The following KIRREL3 variants were observed in gnomAD, a reference collection of about 807,000 sequenced individuals.
KIRREL3 encodes kin of IRRE-like protein 3.
A neutral mutation model predicts 89.7 loss-of-function variants in KIRREL3; 36 were observed. The observed-to-expected ratio is 0.40, with a 90% CI of 0.31 to 0.53. KIRREL3 has a LOEUF of 0.53. Among genes scored for constraint, KIRREL3 ranks in the 20% least tolerant of loss-of-function variants. The pLI is 0.49. For missense variants in KIRREL3, 864 were observed against 1,056.6 expected, an observed-to-expected ratio of 0.82 and a Z score of 2.53; for synonymous variants, 445 against 441.4, an observed-to-expected ratio of 1.01 and a Z score of -0.10.
In KIRREL3 at chr11:126,587,989, T is replaced by G. The variant is rs75813379; in HGVS notation, c.56-25077A>C. On this transcript the variant is annotated intron_variant, in intron 1 of 16. Transcript: ENST00000525144. The surrounding 1 kb of genome is among the most constrained non-coding windows in gnomAD (Gnocchi z 5.2). ...GGAGAGGTGGACTGGAAGACTCAGATCTAGGGCTCGGGGGAAAGCATTGGG... is the reference window on the plus strand; with the variant it reads ...GGAGAGGTGGACTGGAAGACTCAGAGCTAGGGCTCGGGGGAAAGCATTGGG... Among the ~76,000 whole-genome samples the G allele has an allele frequency of 0.024, 3,614 of 152,178 alleles. 157 individuals carry two copies. The highest frequency in any genetic ancestry group is 0.083 in the African/African-American group (3,441 of 41,518).
intron 1 of KIRREL3, among the ~76,000 whole-genome samples, chr11:126,713,811 C>T (rs1241615931): frequency 5.9e-5 from 9 of 151,906 alleles, no homozygotes; most frequent in South Asian, 4.2e-4. Flanking sequence ...GGCTGACGGG[C>T]GAGGAGGAAA....
intron 1 of KIRREL3, chr11:126,992,512 A>T (rs1950063670): frequency 6.6e-6 from 1 of 152,280 alleles, no homozygotes. Context: ...TGAAGAGAAC[A>T]GGCCAAAGTG....
At chr11:126,680,599 TA>T (rs1005542944) in intron 1 of KIRREL3, among the ~76,000 whole-genome samples, 1 of 152,236 alleles carries the variant, frequency 6.6e-6, no homozygotes, top group African/African-American at 2.4e-5. Context: ...GACTGGGGTT[TA>T]AACATCCCAT....
chr11:126,612,902 G>A lies in KIRREL3; in HGVS notation c.56-49990C>T, dbSNP rs1309629081. On this transcript the variant is annotated intron_variant, in intron 1 of 16. Coordinates refer to ENST00000525144, the MANE Select transcript of KIRREL3 (RefSeq NM_032531.4). The surrounding 1 kb of genome is among the most constrained non-coding windows in gnomAD (Gnocchi z 4.5). ...TCATCATCTGCTAGACATTTGGGCT[G>A]TTTCCACTTTTCGGCTATTGTGAAT... is the stretch of plus-strand genomic sequence containing the variant. Among the ~76,000 whole-genome samples the A allele has an allele frequency of 2.0e-5, 3 of 152,164 alleles. No individual in the cohort carries two copies. Among genetic ancestry groups the A allele is most frequent in the Non-Finnish European group, 4.4e-5 (3 of 68,040 alleles).
In KIRREL3 at chr11:126,883,315, A is replaced by C. The variant is rs2134723823; in HGVS notation, c.55+117140T>G. Among the ~76,000 whole-genome samples, 1 of 152,272 alleles carries C rather than the reference A, an allele frequency of 6.6e-6. No homozygotes were observed. Among genetic ancestry groups the C allele is most frequent in the African/African-American group, 2.4e-5 (1 of 41,570 alleles). ...AGAAGTGGTAGGAGAGAGATCTTCA[A>C]GCAGCACAGCAGTTAAAGAACTTTA... On this transcript the variant is annotated intron_variant, in intron 1 of 16. Transcript: ENST00000525144. This position sits in a 1 kb window ranked among gnomAD's most constrained non-coding sequence, Gnocchi z 4.1.
chr11:126,591,713 T>C (rs967541411), intron 1 of KIRREL3, among the ~76,000 whole-genome samples: 1 of 152,230 alleles, frequency 6.6e-6, no homozygotes, highest in Non-Finnish European at 1.5e-5. Flanking sequence ...TAAATATTGC[T>C]ACAATTTCTT....
chr11:126,687,994 T>C lies in KIRREL3; in HGVS notation c.56-125082A>G, dbSNP rs1946730886. On this transcript the variant is annotated intron_variant, in intron 1 of 16. Transcript: ENST00000525144. This position sits in a 1 kb window ranked among gnomAD's most constrained non-coding sequence, Gnocchi z 4.6. ...GTGCCAGTTAAATTTGAGAGAGAAA[T>C]CATTTTATTTACGAAAATGTCAAGG... is the stretch of plus-strand genomic sequence containing the variant. Among the ~76,000 whole-genome samples the C allele has an allele frequency of 6.6e-6, 1 of 152,244 alleles. No homozygotes were observed. The highest frequency in any genetic ancestry group is 2.4e-5 in the African/African-American group (1 of 41,454).
rs968446953 is a variant in KIRREL3, at chr11:126,544,958, G to A, written c.133+17877C>T. Among the ~76,000 whole-genome samples the A allele has an allele frequency of 2.0e-5, 3 of 152,098 alleles. No homozygotes were observed. The highest frequency in any genetic ancestry group is 2.9e-5 in the Non-Finnish European group (2 of 68,026). Reference sequence around the variant, plus strand: ...AACTCAACGTGCAACATTGCCTTACGCAATCTAATAAATTACTTGGTACCC... The same window carrying A: ...AACTCAACGTGCAACATTGCCTTACACAATCTAATAAATTACTTGGTACCC... On this transcript the variant is annotated intron_variant, in intron 2 of 16. Coordinates refer to ENST00000525144, the MANE Select transcript of KIRREL3 (RefSeq NM_032531.4). The surrounding 1 kb of genome is among the most constrained non-coding windows in gnomAD (Gnocchi z 5.6).
intron 4 of KIRREL3, among the ~76,000 whole-genome samples, chr11:126,482,250 G>T (rs181786142): frequency 1.3e-5 from 2 of 152,326 alleles, no homozygotes; most frequent in African/African-American, 4.8e-5. Context: ...TGTTGGCTAG[G>T]CTGGTCTCGA....
chr11:126,967,852 A>G (rs1464516277), intron 1 of KIRREL3, among the ~76,000 whole-genome samples: 1 of 152,056 alleles, frequency 6.6e-6, no homozygotes, highest in African/African-American at 2.4e-5. Context: ...GGGTAGCTAA[A>G]CCTCTTACAA....
rs1209120504 is a variant in KIRREL3 at position 126,897,319 on chromosome 11, G to C, written c.55+103136C>G. Among the ~76,000 whole-genome samples the C allele has an allele frequency of 1.3e-5, 2 of 152,056 alleles. No homozygotes were observed. The highest frequency in any genetic ancestry group is 4.8e-5 in the African/African-American group (2 of 41,410). The stretch of plus-strand genomic sequence containing the variant: ...CCAGGACTGAGGGGACAGTCATGAG[G>C]GGGAGATGACACAGTTTAGGACAGG... On this transcript the variant is annotated intron_variant, in intron 1 of 16. Transcript: ENST00000525144. This position sits in a 1 kb window ranked among gnomAD's most constrained non-coding sequence, Gnocchi z 4.2.
rs1950285539 is a variant in KIRREL3, at chr11:126,780,177, A to G, written c.56-217265T>C. ...GCGGGGAGAAATTCAGGTTCAATGA[A>G]AGGAAAACAGGAAAAGACTGCAGAA... is the stretch of plus-strand genomic sequence containing the variant. On this transcript the variant is annotated intron_variant, in intron 1 of 16. Coordinates refer to ENST00000525144, the MANE Select transcript of KIRREL3 (RefSeq NM_032531.4). This position sits in a 1 kb window ranked among gnomAD's most constrained non-coding sequence, Gnocchi z 5.3. Among the ~76,000 whole-genome samples, 1 of 152,182 alleles carries G rather than the reference A, an allele frequency of 6.6e-6. No homozygotes were observed. The highest frequency in any genetic ancestry group is 2.4e-5 in the African/African-American group (1 of 41,444).
rs10609593 is a variant in KIRREL3 at position 126,490,200 on chromosome 11, TTGTGTGTGTGTGTG to T, written c.434-16748_434-16735del. Reference sequence around the variant, plus strand: ...TATTTGCATTTGGCTTTGGAATGCATTGTGTGTGTGTGTGTGTGTGTGTGTGTGTGGCGGGGGCG... The same window carrying T: ...TATTTGCATTTGGCTTTGGAATGCATTGTGTGTGTGTGTGTGGCGGGGGCG... On this transcript the variant is annotated intron_variant, in intron 4 of 16. Coordinates refer to ENST00000525144, the MANE Select transcript of KIRREL3 (RefSeq NM_032531.4). The surrounding 1 kb of genome is among the most constrained non-coding windows in gnomAD (Gnocchi z 4.2). Among the ~76,000 whole-genome samples, 73,270 of 140,922 alleles carry T rather than the reference TTGTGTGTGTGTGTG, an allele frequency of 0.52. 20,001 individuals carry two copies. The highest frequency in any genetic ancestry group is 0.6 in the Admixed American group (8,290 of 13,812). The allele number at this position is 140,922 out of a possible 152,430, so 92.5% of individuals were successfully genotyped here.
intron 2 of KIRREL3, among the ~76,000 whole-genome samples, chr11:126,548,319 C>T (rs1030260271): frequency 8.5e-5 from 13 of 152,224 alleles, no homozygotes; most frequent in Non-Finnish European, 1.6e-4. Context: ...CTCCCATTGC[C>T]GGTGTCTGGA....
At position 126,995,450 on chromosome 11, in the gene KIRREL3, T is replaced by C; in HGVS notation, c.55+5005A>G. 5.0e-6 allele frequency: 2 copies of C among 397,104 alleles called. No individual in the cohort carries two copies. The highest frequency in any genetic ancestry group is 3.7e-5 in the South Asian group (2 of 53,408). The allele number at this position is 397,104 out of a possible 1,614,324, so 24.6% of individuals were successfully genotyped here. A position where few individuals can be genotyped will look rare whatever the true frequency, so the allele number is the denominator to read the frequency against. ...TGATGGACCCCAATAAAAAAACGCC[T>C]GCACTGTTTTTCACCTAAGGTCATC... On this transcript the variant is annotated intron_variant, in intron 1 of 16. Transcript: ENST00000525144. This position sits in a 1 kb window ranked among gnomAD's most constrained non-coding sequence, Gnocchi z 6.5.
chr11:126,617,567 C>G (rs913629537), intron 1 of KIRREL3, among the ~76,000 whole-genome samples: 1 of 152,186 alleles, frequency 6.6e-6, no homozygotes, highest in African/African-American at 2.4e-5. Context: ...GCCAGCAAAT[C>G]AGCCATCTCA....
At position 126,740,033 on chromosome 11, in the gene KIRREL3, GAGAA is replaced by G. The variant is rs1185281050; in HGVS notation, c.56-177125_56-177122del. On this transcript the variant is annotated intron_variant, in intron 1 of 16. Transcript: ENST00000525144. The surrounding 1 kb of genome is among the most constrained non-coding windows in gnomAD (Gnocchi z 6.0). ...GTAGGGTGTATGGAGGGAGGGGGCAGAGAAAGAAAGGAAGAAAGAAAGAAACAGC... is the reference window on the plus strand; with the variant it reads ...GTAGGGTGTATGGAGGGAGGGGGCAGAGAAAGGAAGAAAGAAAGAAACAGC... 6.6e-6 allele frequency among the ~76,000 whole-genome samples: 1 copy of G among 152,176 alleles called. No individual in the cohort carries two copies. Among genetic ancestry groups the G allele is most frequent in the Non-Finnish European group, 1.5e-5 (1 of 68,042 alleles).
Position 126,696,305 on chromosome 11 carries a change from C to T in KIRREL3, c.56-133393G>A, listed in dbSNP as rs1452325265. Among the ~76,000 whole-genome samples the T allele has an allele frequency of 6.6e-6, 1 of 150,798 alleles. No homozygotes were observed. Among genetic ancestry groups the T allele is most frequent in the African/African-American group, 2.4e-5 (1 of 40,936 alleles). ...TGGATGGCCTAGTGCTTCCTTATTG[C>T]TTAATTAACCCTTCTCCCTTTCTTT... is the stretch of plus-strand genomic sequence containing the variant. On this transcript the variant is annotated intron_variant, in intron 1 of 16. Transcript: ENST00000525144. This position sits in a 1 kb window ranked among gnomAD's most constrained non-coding sequence, Gnocchi z 4.4.
intron 1 of KIRREL3, among the ~76,000 whole-genome samples, chr11:126,863,088 G>GC (rs535388551): frequency 6.6e-6 from 1 of 152,372 alleles, no homozygotes; most frequent in South Asian, 2.1e-4. Context: ...AAGGCTGTCA[G>GC]CACCTCCTGC....
Sources: allele counts gnomAD v4.1 joint callset (sites outside exome capture counted in the v4.1 genomes callset), GRCh38; gene constraint gnomAD v4.1.1; non-coding constraint Gnocchi (gnomAD v3.1); transcripts MANE v1.5; gene names NCBI Gene and HGNC (gene_info 2026-07-23, HGNC 2026-07-21).